CRPPA: variants seen among roughly 807,000 people sequenced by gnomAD.
The protein encoded by CRPPA is D-ribitol-5-phosphate cytidylyltransferase.
A neutral mutation model predicts 52.0 loss-of-function variants in CRPPA; 43 were observed. The observed-to-expected ratio is 0.83, with a 90% CI of 0.65 to 1.07. The LOEUF is 1.07. CRPPA is among the 50% of genes least tolerant of loss of function. The pLI, the probability that CRPPA is intolerant of heterozygous loss-of-function variation, is 0.00. For synonymous variants in CRPPA, 250 were observed against 203.5 expected, an observed-to-expected ratio of 1.23 and a Z score of -1.94; for missense variants, 629 against 551.7, an observed-to-expected ratio of 1.14 and a Z score of -1.40.
chr7:16,181,575 C>A (rs1781413416), intron 9 of CRPPA, among the ~76,000 whole-genome samples: 1 of 151,970 alleles, frequency 6.6e-6, no homozygotes, highest in Admixed American at 6.6e-5. Context: ...AACCTAATGA[C>A]ATGAAATTGA....
chr7:16,321,685 G>C (rs1785268523), intron 3 of CRPPA, among the ~76,000 whole-genome samples: 1 of 152,066 alleles, frequency 6.6e-6, no homozygotes, highest in African/African-American at 2.4e-5. Flanking sequence ...AGAAAGAGTA[G>C]GTCTGTTGGT....
In CRPPA at chr7:16,089,449, A is replaced by ATACATATATGTGTATATATGTACGTGCG; in HGVS notation, c.*2245_*2246insCGCACGTACATATATACACATATATGTA. ...CATATATGTGTATATATGTACGTGC[A>ATACATATATGTGTATATATGTACGTGCG]TACATATATGTGTATATATGTACGT... On this transcript the variant is annotated 3_prime_UTR_variant, in exon 10 of 10. Coordinates refer to ENST00000407010, the MANE Select transcript of CRPPA (RefSeq NM_001101426.4). 1 of 341,382 alleles carries ATACATATATGTGTATATATGTACGTGCG rather than the reference A, an allele frequency of 2.9e-6. No individual in the cohort carries two copies. The highest frequency in any genetic ancestry group is 2.5e-5 in the Admixed American group (1 of 39,290). The allele number at this position is 341,382 out of a possible 1,614,324, so 21.1% of individuals were successfully genotyped here.
chr7:16,287,040 A>G (rs1392756263), intron 5 of CRPPA, among the ~76,000 whole-genome samples: 1 of 152,176 alleles, frequency 6.6e-6, no homozygotes, highest in Non-Finnish European at 1.5e-5. Flanking sequence ...ATGTCATACT[A>G]TATATTTTTA....
intron 3 of CRPPA, among the ~76,000 whole-genome samples, chr7:16,351,459 C>T (rs1786150567): frequency 6.6e-6 from 1 of 152,106 alleles, no homozygotes; most frequent in African/African-American, 2.4e-5. Flanking sequence ...AAATTATCAT[C>T]AGAGTGAACA....
At chr7:16,234,041 G>C (rs1436805278) in intron 8 of CRPPA, among the ~76,000 whole-genome samples, 1 of 151,836 alleles carries the variant, frequency 6.6e-6, no homozygotes, top group Non-Finnish European at 1.5e-5. Flanking sequence ...AAGGAGACAG[G>C]AAAAAAGAAC....
chr7:16,132,015 T>C (rs1782690180), intron 9 of CRPPA, among the ~76,000 whole-genome samples: 1 of 152,080 alleles, frequency 6.6e-6, no homozygotes, highest in African/African-American at 2.4e-5. Context: ...TGCAAACAGC[T>C]TCCATTAGGG....
chr7:16,392,936 C>G (rs1787481432), intron 2 of CRPPA, among the ~76,000 whole-genome samples: 1 of 152,106 alleles, frequency 6.6e-6, no homozygotes, highest in Non-Finnish European at 1.5e-5. Context: ...TATTCTTGTA[C>G]TTCTTTAAAC....
chr7:16,274,279 A>T (rs1350650665), intron 6 of CRPPA, among the ~76,000 whole-genome samples: 1 of 152,030 alleles, frequency 6.6e-6, no homozygotes, highest in Non-Finnish European at 1.5e-5. Flanking sequence ...CGATCTCCTG[A>T]CTTCGTGATC....
chr7:16,340,283 A>C (rs548934457), intron 3 of CRPPA, among the ~76,000 whole-genome samples: 1 of 152,222 alleles, frequency 6.6e-6, no homozygotes, highest in South Asian at 2.1e-4. Flanking sequence ...GCTCTGTAGA[A>C]GACACCATAA....
chr7:16,129,417 C>T (rs752403090), intron 9 of CRPPA, among the ~76,000 whole-genome samples: 13 of 151,978 alleles, frequency 8.6e-5, no homozygotes, highest in South Asian at 2.1e-4. Context: ...CATTCCATTC[C>T]TCCTCCTCAA....
At chr7:16,321,967 G>A (rs1418444607) in intron 3 of CRPPA, among the ~76,000 whole-genome samples, 1 of 152,046 alleles carries the variant, frequency 6.6e-6, no homozygotes, top group Non-Finnish European at 1.5e-5. Flanking sequence ...AAGTACTGCT[G>A]GCCAACAGAA....
chr7:16,233,716 C>T (rs143433954), intron 8 of CRPPA, among the ~76,000 whole-genome samples: 71 of 152,232 alleles, frequency 4.7e-4, no homozygotes, highest in African/African-American at 1.5e-3. Context: ...CTTTCATAAT[C>T]GGGTACAATC....
chr7:16,406,101 C>G lies in CRPPA; in HGVS notation c.494G>C (p.Gly165Ala). 6.2e-7 allele frequency: 1 copy of G among 1,613,724 alleles called. No individual in the cohort carries two copies. The highest frequency in any genetic ancestry group is 2.2e-5 in the East Asian group (1 of 44,884). ...AGCTGTGACAACTTTAAGAAGGACACCTTCCTCAACAAATGGTCTCACAGC... is the reference window on the plus strand; with the variant it reads ...AGCTGTGACAACTTTAAGAAGGACAGCTTCCTCAACAAATGGTCTCACAGC... ...HDAVRPFVEEGVLLKVVTAAK... is the reference protein window; with the variant it reads ...HDAVRPFVEEAVLLKVVTAAK... Residue 165 changes from glycine to alanine, a missense_variant, in exon 2 of 10, where the codon GGT becomes GCT. Gly to Ala is a moderately conservative substitution (Grantham distance 60). Coordinates refer to ENST00000407010, the MANE Select transcript of CRPPA (RefSeq NM_001101426.4).
At chr7:16,251,881 G>T (rs1259755631) in intron 8 of CRPPA, among the ~76,000 whole-genome samples, 1 of 152,102 alleles carries the variant, frequency 6.6e-6, no homozygotes, top group African/African-American at 2.4e-5. Context: ...TAAGATCAGA[G>T]CAGAACTGAA....
chr7:16,415,548 C>A (rs1788173064), intron 1 of CRPPA, among the ~76,000 whole-genome samples: 1 of 152,120 alleles, frequency 6.6e-6, no homozygotes, highest in South Asian at 2.1e-4. Flanking sequence ...TACCCCACCT[C>A]CAGAGATACC....
At chr7:16,325,279 A>G (rs566238770) in intron 3 of CRPPA, among the ~76,000 whole-genome samples, 26 of 152,336 alleles carry the variant, frequency 1.7e-4, no homozygotes, top group African/African-American at 6.0e-4. Context: ...TGGAAACTAA[A>G]GCAGAAATTA....
chr7:16,134,025 G>A lies in CRPPA; in HGVS notation c.1252-42226C>T, dbSNP rs1254204648. 4.1e-5 allele frequency among the ~76,000 whole-genome samples: 5 copies of A among 123,204 alleles called. 2 individuals carry two copies. Among genetic ancestry groups the A allele is most frequent in the Admixed American group, 1.6e-4 (2 of 12,268 alleles). 80.8% of individuals were successfully genotyped at this position (123,204 alleles called of 152,430 possible). On this transcript the variant is annotated intron_variant, in intron 9 of 9. Transcript: ENST00000407010. ...CGGCTCACTGTAAGCTCCGCTTCCC[G>A]GGTTCACGCCATTCTCCTGCCTCAG...
chr7:16,236,442 C>T (rs1032853145), intron 8 of CRPPA, among the ~76,000 whole-genome samples: 1 of 151,946 alleles, frequency 6.6e-6, no homozygotes, highest in Admixed American at 6.6e-5. Context: ...CTCTGGTACC[C>T]AGAAAATTGA....
At chr7:16,322,912 A>G (rs2128427818) in intron 3 of CRPPA, among the ~76,000 whole-genome samples, 1 of 152,196 alleles carries the variant, frequency 6.6e-6, no homozygotes, top group East Asian at 1.9e-4. Flanking sequence ...GGCAGAAGGT[A>G]CCCCTTCACA....
Sources: gnomAD v4.1 joint callset for allele counts (sites outside exome capture counted in the v4.1 genomes callset) on GRCh38, gnomAD v4.1.1 for gene constraint, MANE v1.5 for transcripts, NCBI Gene and HGNC (gene_info 2026-07-23, HGNC 2026-07-21) for gene names.